The following TNFRSF19 variants were observed in gnomAD, a reference collection of about 807,000 sequenced individuals.
TNFRSF19 encodes tumor necrosis factor receptor superfamily member 19.
A neutral mutation model predicts 46.4 loss-of-function variants in TNFRSF19; 27 were observed. That is an observed-to-expected ratio of 0.58 (90% CI 0.43 to 0.80). The LOEUF (loss-of-function observed/expected upper bound fraction) is 0.80, where lower values mean the gene tolerates loss of function less well. TNFRSF19 is among the 30% of genes least tolerant of loss of function. The probability of loss-of-function intolerance (pLI) is 0.00; values close to 1 mark genes in which losing one functional copy is unlikely to be tolerated. For missense variants in TNFRSF19, 511 were observed against 530.8 expected, an observed-to-expected ratio of 0.96 and a Z score of 0.37; for synonymous variants, 204 against 205.0, an observed-to-expected ratio of 1.00 and a Z score of 0.04.
At chr13:23,626,295 T>G (rs191044219) in intron 4 of TNFRSF19, among the ~76,000 whole-genome samples, 1 of 151,984 alleles carries the variant, frequency 6.6e-6, no homozygotes, top group African/African-American at 2.4e-5. Context: ...TGTATCAAGA[T>G]TGTATGAGTA....
intron 1 of TNFRSF19, among the ~76,000 whole-genome samples, chr13:23,575,795 C>A (rs141375242): frequency 2.6e-5 from 4 of 152,298 alleles, no homozygotes; most frequent in Non-Finnish European, 5.9e-5. Context: ...AGAAGTTAGG[C>A]AATTTTTCAT....
At chr13:23,581,196 G>A (rs953877937) in intron 1 of TNFRSF19, among the ~76,000 whole-genome samples, 4 of 148,474 alleles carry the variant, frequency 2.7e-5, no homozygotes, top group Non-Finnish European at 5.9e-5. Flanking sequence ...GGCGCTCTGC[G>A]CACTGCAAGC....
chr13:23,671,077 G>A (rs530507186), intron 9 of TNFRSF19, among the ~76,000 whole-genome samples: 7 of 152,226 alleles, frequency 4.6e-5, no homozygotes, highest in Admixed American at 2.6e-4. Flanking sequence ...GTGGTGTGGC[G>A]GGGACAGGAT....
intron 3 of TNFRSF19, among the ~76,000 whole-genome samples, chr13:23,602,147 A>G (rs989497056): frequency 7.2e-5 from 11 of 152,174 alleles, no homozygotes; most frequent in African/African-American, 2.2e-4. Flanking sequence ...ATGAAGACAC[A>G]CATAGATGAA....
intron 4 of TNFRSF19, among the ~76,000 whole-genome samples, chr13:23,625,205 T>G (rs1881916417): frequency 1.3e-5 from 2 of 152,226 alleles, no homozygotes; most frequent in Admixed American, 1.3e-4. Context: ...GTCTTCATCA[T>G]CATTTTTAAA....
intron 3 of TNFRSF19, among the ~76,000 whole-genome samples, chr13:23,595,801 A>G (rs767132574): frequency 2.0e-5 from 3 of 152,196 alleles, no homozygotes; most frequent in Non-Finnish European, 2.9e-5. Context: ...CCCAAGACAC[A>G]TAATCTTCAG....
chr13:23,658,482 T>C (rs1251148248), intron 5 of TNFRSF19, among the ~76,000 whole-genome samples: 1 of 152,184 alleles, frequency 6.6e-6, no homozygotes, highest in African/African-American at 2.4e-5. Context: ...ATAACAGTAT[T>C]AGTCTTTTCT....
At chr13:23,647,246 T>G (rs1249555014) in intron 5 of TNFRSF19, among the ~76,000 whole-genome samples, 1 of 152,236 alleles carries the variant, frequency 6.6e-6, no homozygotes, top group Non-Finnish European at 1.5e-5. Context: ...TTCATGTCCT[T>G]GATGGTGTCC....
At chr13:23,663,068 T>A (rs1402139135) in intron 7 of TNFRSF19, among the ~76,000 whole-genome samples, 2 of 152,148 alleles carry the variant, frequency 1.3e-5, no homozygotes, top group Non-Finnish European at 2.9e-5. Context: ...ATAGGAGTGG[T>A]GAGAGAGAGC....
In TNFRSF19 at chr13:23,668,902, T is replaced by A. The variant is rs565768932; in HGVS notation, c.1050T>A (p.Asn350Lys). 1 of 1,614,144 alleles carries A rather than the reference T, an allele frequency of 6.2e-7. No homozygotes were observed. The highest frequency in any genetic ancestry group is 2.2e-5 in the East Asian group (1 of 44,900). Reference sequence around the variant, plus strand: ...AAAGCTCAACGTCTTTGGATTCAAATAGCAGTCAAGATTTGGTTGGTGGGG... The same window carrying A: ...AAAGCTCAACGTCTTTGGATTCAAAAAGCAGTCAAGATTTGGTTGGTGGGG... ...ELESSTSLDS[N>K]SSQDLVGGAV... The change falls in exon 9 of 10, where the codon AAT becomes AAA. Residue 350 changes from asparagine to lysine, a missense_variant. By Grantham distance (94) the Asn-to-Lys change is moderately conservative (BLOSUM62 0). This residue lies in a region of TNFRSF19 where 376 missense variants were observed against 372.7 expected (regional missense o/e 1.01). Coordinates refer to ENST00000248484, the MANE Select transcript of TNFRSF19 (RefSeq NM_148957.4).
Position 23,675,369 on chromosome 13 carries a change from G to A in TNFRSF19, c.*1989G>A, listed in dbSNP as rs993892426. ...AGCCTGTATATATTTTCCATATGTAGAGCCCTGATTAACTTCAAGGACAAA... is the reference window on the plus strand; with the variant it reads ...AGCCTGTATATATTTTCCATATGTAAAGCCCTGATTAACTTCAAGGACAAA... On this transcript the variant is annotated 3_prime_UTR_variant, in exon 10 of 10. Coordinates refer to ENST00000248484, the MANE Select transcript of TNFRSF19 (RefSeq NM_148957.4). 2 of 152,158 alleles carry A rather than the reference G, an allele frequency of 1.3e-5. No homozygotes were observed. Among genetic ancestry groups the A allele is most frequent in the African/African-American group, 4.8e-5 (2 of 41,420 alleles). 9.4% of individuals were successfully genotyped at this position (152,158 alleles called of 1,614,324 possible).
chr13:23,639,533 G>A (rs974146340), intron 5 of TNFRSF19, among the ~76,000 whole-genome samples: 1 of 152,250 alleles, frequency 6.6e-6, no homozygotes, highest in African/African-American at 2.4e-5. Context: ...ATGCCAGGGG[G>A]ATTTGTCCTC....
chr13:23,596,592 T>C (rs1253693427), intron 3 of TNFRSF19, among the ~76,000 whole-genome samples: 1 of 151,962 alleles, frequency 6.6e-6, no homozygotes, highest in Non-Finnish European at 1.5e-5. Context: ...AGCACCCAGA[T>C]TTACAAAGCA....
intron 3 of TNFRSF19, among the ~76,000 whole-genome samples, chr13:23,605,490 C>T (rs1195888737): frequency 6.6e-6 from 1 of 152,176 alleles, no homozygotes; most frequent in East Asian, 1.9e-4. Context: ...GGACACTTAA[C>T]GCTTATACAG....
chr13:23,575,511 T>TA (rs938924396), intron 1 of TNFRSF19, among the ~76,000 whole-genome samples: 7 of 152,228 alleles, frequency 4.6e-5, no homozygotes, highest in Non-Finnish European at 1.0e-4. Context: ...CCCATGCTGA[T>TA]AGTCTATAAT....
chr13:23,643,422 G>A (rs1042059898), intron 5 of TNFRSF19, among the ~76,000 whole-genome samples: 18 of 152,212 alleles, frequency 1.2e-4, no homozygotes, highest in African/African-American at 4.1e-4. Flanking sequence ...AACATTAGCT[G>A]TAATTCTGTC....
intron 9 of TNFRSF19, 56 bp from the exon 10 acceptor site, chr13:23,673,316 G>A (rs1951785654): frequency 6.4e-7 from 1 of 1,554,650 alleles, no homozygotes. Flanking sequence ...TTGAAATTTA[G>A]CAGATTTAAC....
intron 4 of TNFRSF19, among the ~76,000 whole-genome samples, chr13:23,621,710 G>A (rs1489340517): frequency 1.3e-5 from 2 of 152,052 alleles, no homozygotes; most frequent in Non-Finnish European, 2.9e-5. Flanking sequence ...TTGGGAGGCT[G>A]AGGCAGGTGG....
intron 4 of TNFRSF19, among the ~76,000 whole-genome samples, chr13:23,623,251 C>G (rs1881789520): frequency 6.6e-6 from 1 of 152,182 alleles, no homozygotes; most frequent in African/African-American, 2.4e-5. Flanking sequence ...ACCATGTCCT[C>G]AAGGTTTATA....
Sources: gnomAD v4.1 joint callset for allele counts (sites outside exome capture counted in the v4.1 genomes callset) on GRCh38, gnomAD v4.1.1 for gene constraint, gnomAD v4.1.1 regional missense constraint, MANE v1.5 for transcripts, NCBI Gene and HGNC (gene_info 2026-07-23, HGNC 2026-07-21) for gene names.